Variants in SUGCT observed in about 807,000 individuals in gnomAD.
SUGCT encodes succinyl-CoA:glutarate-CoA transferase.
In SUGCT, 41 loss-of-function variants were observed where a neutral mutation model predicts 55.0. The observed-to-expected ratio is 0.74, with a 90% CI of 0.58 to 0.97. The LOEUF is 0.97. Ranked by LOEUF, SUGCT falls within the 50% of genes least tolerant of loss-of-function variation. The probability of loss-of-function intolerance (pLI) is 0.00; values close to 1 mark genes in which losing one functional copy is unlikely to be tolerated. For synonymous variants in SUGCT, 187 were observed against 200.4 expected (o/e 0.93, Z 0.56); for missense variants, 568 against 547.8 (o/e 1.04, Z -0.37).
At chr7:40,467,997 C>A (rs192298983) in intron 11 of SUGCT, among the ~76,000 whole-genome samples, 160 of 147,432 alleles carry the variant, frequency 1.1e-3, no homozygotes, top group African/African-American at 3.7e-3. Context: ...TAAAAGAGTA[C>A]CTTAATAGCC....
chr7:40,742,647 G>A (rs1480620742), intron 12 of SUGCT, among the ~76,000 whole-genome samples: 1 of 150,776 alleles, frequency 6.6e-6, no homozygotes, highest in Non-Finnish European at 1.5e-5. Context: ...ACTGGTTTGT[G>A]GACCCCCATA....
At chr7:40,582,944 T>C (rs1797182236) in intron 12 of SUGCT, among the ~76,000 whole-genome samples, 1 of 152,218 alleles carries the variant, frequency 6.6e-6, no homozygotes, top group Admixed American at 6.5e-5. Flanking sequence ...TTTATTTTCA[T>C]AAGCAATTTT....
chr7:41,006,322 G>A, the SUGCT span, among the ~76,000 whole-genome samples: 1 of 152,172 alleles, frequency 6.6e-6, no homozygotes, highest in Non-Finnish European at 1.5e-5. Flanking sequence ...ACCAGGGGCT[G>A]GACTCCAAAC....
chr7:40,605,047 C>T (rs1358715391), intron 12 of SUGCT, among the ~76,000 whole-genome samples: 9 of 152,206 alleles, frequency 5.9e-5, no homozygotes, highest in African/African-American at 9.6e-5. Flanking sequence ...GCAGCACACG[C>T]GTCCGCCTCT....
At chr7:40,318,008 A>G (rs528225603) in intron 9 of SUGCT, among the ~76,000 whole-genome samples, 10 of 152,184 alleles carry the variant, frequency 6.6e-5, no homozygotes, top group Non-Finnish European at 1.5e-4. Context: ...ACCATTAATG[A>G]CATTTTGCTT....
intron 12 of SUGCT, among the ~76,000 whole-genome samples, chr7:40,511,400 C>T (rs1259314340): frequency 6.6e-6 from 1 of 152,120 alleles, no homozygotes; most frequent in Non-Finnish European, 1.5e-5. Context: ...GGCTGAACGA[C>T]ATGACACTTG....
chr7:40,924,371 C>G, the SUGCT span, among the ~76,000 whole-genome samples: 1 of 151,964 alleles, frequency 6.6e-6, no homozygotes, highest in Non-Finnish European at 1.5e-5. Flanking sequence ...TTCCAAATAG[C>G]TGGGACCACA....
rs185439481 is a variant in SUGCT at position 40,458,734 on chromosome 7, C to T, written c.889-367C>T. Among the ~76,000 whole-genome samples the T allele has an allele frequency of 3.9e-3, 594 of 152,172 alleles. 3 individuals carry two copies. The highest frequency in any genetic ancestry group is 6.2e-3 in the Non-Finnish European group (422 of 68,002). ...GGATATTGGTTTTTAAAATTTGGTCCGTTTTACCCAGTTTAGCATCTCTCT... is the reference window on the plus strand; with the variant it reads ...GGATATTGGTTTTTAAAATTTGGTCTGTTTTACCCAGTTTAGCATCTCTCT... On this transcript the variant is annotated intron_variant, in intron 10 of 13. Transcript: ENST00000335693.
chr7:40,256,884 CA>C (rs1790846216), intron 7 of SUGCT, among the ~76,000 whole-genome samples: 1 of 151,958 alleles, frequency 6.6e-6, no homozygotes. Context: ...GCCGGGACTA[CA>C]GGCGCCCACT....
chr7:40,149,397 T>C (rs989417958), intron 1 of SUGCT, among the ~76,000 whole-genome samples: 2 of 152,236 alleles, frequency 1.3e-5, no homozygotes, highest in African/African-American at 4.8e-5. Context: ...GTTCATAGTT[T>C]AAACAAAGAC....
At chr7:40,512,367 G>T (rs1190837301) in intron 12 of SUGCT, among the ~76,000 whole-genome samples, 1 of 152,136 alleles carries the variant, frequency 6.6e-6, no homozygotes, top group Non-Finnish European at 1.5e-5. Flanking sequence ...AGTTTAAGAT[G>T]GAGTTATGGA....
chr7:40,223,137 C>T (rs542775110), intron 6 of SUGCT, among the ~76,000 whole-genome samples: 37 of 151,726 alleles, frequency 2.4e-4, no homozygotes, highest in South Asian at 2.1e-4. Context: ...CTCGGCTCAC[C>T]GCAACCTCCG....
At chr7:40,186,970 G>A (rs532020651) in intron 3 of SUGCT, among the ~76,000 whole-genome samples, 1 of 152,164 alleles carries the variant, frequency 6.6e-6, no homozygotes, top group African/African-American at 2.4e-5. Context: ...AAAATTTTAA[G>A]AATTGTGCAG....
intron 9 of SUGCT, among the ~76,000 whole-genome samples, chr7:40,412,175 A>G (rs1450144261): frequency 6.6e-6 from 1 of 152,202 alleles, no homozygotes; most frequent in Non-Finnish European, 1.5e-5. Flanking sequence ...AGTGTTCCCA[A>G]TCCACAAAAT....
chr7:40,646,704 CCCCAACTACCCA>C (rs1234681428), intron 12 of SUGCT, among the ~76,000 whole-genome samples: 1 of 152,194 alleles, frequency 6.6e-6, no homozygotes, highest in African/African-American at 2.4e-5. Context: ...AACAGGCCTT[CCCCAACTACCCA>C]ATCTAACCAG....
intron 5 of SUGCT, among the ~76,000 whole-genome samples, chr7:40,191,633 A>G (rs1785915391): frequency 6.6e-6 from 1 of 152,162 alleles, no homozygotes; most frequent in Non-Finnish European, 1.5e-5. Flanking sequence ...TCCTGGCCTC[A>G]AGCAATCCGC....
chr7:40,754,466 C>T (rs184667352), intron 13 of SUGCT, among the ~76,000 whole-genome samples: 10 of 152,300 alleles, frequency 6.6e-5, no homozygotes, highest in Non-Finnish European at 1.0e-4. Context: ...CCTAACTAAA[C>T]TTACTGTGTC....
At chr7:40,871,387 G>A in the SUGCT span, among the ~76,000 whole-genome samples, 5 of 152,092 alleles carry the variant, frequency 3.3e-5, no homozygotes, top group African/African-American at 1.2e-4. Flanking sequence ...ATTTGGAGGA[G>A]CACCAGTATA....
the SUGCT span, among the ~76,000 whole-genome samples, chr7:40,877,711 C>G: frequency 6.6e-6 from 1 of 152,176 alleles, no homozygotes; most frequent in Non-Finnish European, 1.5e-5. Context: ...TTGAGATTCT[C>G]AGTTCTAGAA....
Sources: allele counts gnomAD v4.1 joint callset (sites outside exome capture counted in the v4.1 genomes callset), GRCh38; gene constraint gnomAD v4.1.1; transcripts MANE v1.5; gene names NCBI Gene and HGNC (gene_info 2026-07-23, HGNC 2026-07-21).